Variants in TRIM65 observed in about 807,000 individuals in gnomAD.
TRIM65 encodes the protein tripartite motif containing 65, also known as E3 ubiquitin-protein ligase TRIM65.
In TRIM65, 46 loss-of-function variants were observed where a neutral mutation model predicts 36.1. The ratio of observed to expected loss-of-function variants is 1.27; its 90% CI spans 1.01 to 1.63. The LOEUF is 1.63. Among genes scored for constraint, TRIM65 ranks in the 40% most tolerant of loss-of-function variants. The probability of loss-of-function intolerance (pLI) is 0.00; values close to 1 mark genes in which losing one functional copy is unlikely to be tolerated. For synonymous variants in TRIM65, 346 were observed against 313.6 expected, an observed-to-expected ratio of 1.10 and a Z score of -1.09; for missense variants, 708 against 696.6, an observed-to-expected ratio of 1.02 and a Z score of -0.18.
chr17:75,891,194 T>A lies in TRIM65; in HGVS notation c.1139A>T (p.Gln380Leu). ...CACCTCCCAGTAGTGGTGCCCGGCC[T>A]GGAAGCTCTGGGCACATTGCACCTG... ...LWQVQCAQSFQAGHHYWEVRA... is the reference protein window; with the variant it reads ...LWQVQCAQSFLAGHHYWEVRA... Residue 380 changes from glutamine to leucine, a missense_variant, in exon 6 of 6, where the codon CAG becomes CTG. Physicochemically the swap from Gln to Leu is moderately radical, Grantham distance 113. Coordinates refer to ENST00000269383, the MANE Select transcript of TRIM65 (RefSeq NM_173547.4). 1 of 1,611,912 alleles carries A rather than the reference T, an allele frequency of 6.2e-7. No homozygotes were observed. The highest frequency in any genetic ancestry group is 8.5e-7 in the Non-Finnish European group (1 of 1,179,972).
Position 75,896,645 on chromosome 17 carries a change from T to A in TRIM65, c.293A>T (p.His98Leu). Reference sequence around the variant, plus strand: ...GCAGAAGAGCTCCAGCGGCCGCCCGTGGCGGGGGCAGCGCGCGGCAGGGTC... The same window carrying A: ...GCAGAAGAGCTCCAGCGGCCGCCCGAGGCGGGGGCAGCGCGCGGCAGGGTC... The part of the protein sequence containing the change: ...GPDPAARCPR[H>L]GRPLELFCRT... Residue 98 changes from histidine (H) to leucine (L), a missense_variant, in exon 1 of 6, where the codon CAC (histidine) becomes CTC (leucine). Coordinates refer to ENST00000269383, the MANE Select transcript of TRIM65 (RefSeq NM_173547.4). 4 of 1,241,256 alleles carry A rather than the reference T, an allele frequency of 3.2e-6. No homozygotes were observed. Among genetic ancestry groups the A allele is most frequent in the Non-Finnish European group, 4.0e-6 (4 of 996,612 alleles). 76.9% of individuals were successfully genotyped at this position (1,241,256 alleles called of 1,614,324 possible). A position where few individuals can be genotyped will look rare whatever the true frequency, so the allele number is the denominator to read the frequency against.
At position 75,890,866 on chromosome 17, in the gene TRIM65, G is replaced by C. The variant is rs1912238240; in HGVS notation, c.1467C>G (p.Phe489Leu). 2.0e-6 allele frequency: 3 copies of C among 1,527,778 alleles called. No homozygotes were observed. The highest frequency in any genetic ancestry group is 2.6e-6 in the Non-Finnish European group (3 of 1,141,056). The allele number at this position is 1,527,778 out of a possible 1,614,324, so 94.6% of individuals were successfully genotyped here. ...TCAGGGTCCTACCCTCGAGGAGCCA[G>C]AAGACGGGGGTGAGGGGCTGGTTGA... ...ALFNQPLTPVFWLLEGRTLTL... is the reference protein window; with the variant it reads ...ALFNQPLTPVLWLLEGRTLTL... The change falls in exon 6 of 6, where the codon TTC (phenylalanine) becomes TTG (leucine). Residue 489 changes from phenylalanine to leucine, a missense_variant. Phe to Leu is a conservative substitution (Grantham distance 22). Coordinates refer to ENST00000269383, the MANE Select transcript of TRIM65 (RefSeq NM_173547.4).
chr17:75,893,869 T>C (rs1324474935), intron 1 of TRIM65, among the ~76,000 whole-genome samples: 1 of 152,052 alleles, frequency 6.6e-6, no homozygotes, highest in Non-Finnish European at 1.5e-5. Flanking sequence ...TGTCGCTCCC[T>C]TCCTCCACAT....
chr17:75,884,844 T>C (rs551607059), downstream of TRIM65, among the ~76,000 whole-genome samples: 49 of 152,224 alleles, frequency 3.2e-4, no homozygotes, highest in Non-Finnish European at 6.6e-4. Flanking sequence ...AGGACCACGC[T>C]GGTCCTGAAC....
In TRIM65 at chr17:75,890,354, G is replaced by A. The variant is rs1365117045; in HGVS notation, c.*425C>T. The A allele has an allele frequency of 6.3e-6, 1 of 159,566 alleles. No individual in the cohort carries two copies. The highest frequency in any genetic ancestry group is 1.4e-5 in the Non-Finnish European group (1 of 73,344). 9.9% of individuals were successfully genotyped at this position (159,566 alleles called of 1,614,324 possible). ...AAAAATTAAAGAGAGCTGCAGGCGG[G>A]GAGGAGGGAGGAATCTGTCTCCCCC... On this transcript the variant is annotated 3_prime_UTR_variant, in exon 6 of 6. Coordinates refer to ENST00000269383, the MANE Select transcript of TRIM65 (RefSeq NM_173547.4).
chr17:75,892,622 C>G, intron 2 of TRIM65, 122 bp from the exon 3 acceptor site: 1 of 1,223,214 alleles, frequency 8.2e-7, no homozygotes, highest in Non-Finnish European at 1.1e-6. Context: ...GTCCCGGGAA[C>G]CTCCCCAGGA....
chr17:75,896,394 G>C, intron 1 of TRIM65, 130 bp downstream of exon 1: 7 of 1,207,582 alleles, frequency 5.8e-6, no homozygotes, highest in Non-Finnish European at 7.2e-6. Flanking sequence ...GTTGGGAGAA[G>C]CCCCTTACAG....
At chr17:75,885,466 G>T (rs1268071113), downstream of TRIM65, among the ~76,000 whole-genome samples, 2 of 152,098 alleles carry the variant, frequency 1.3e-5, no homozygotes, top group Admixed American at 6.5e-5. Context: ...TGGTAGAGAG[G>T]TGTGTTACCA....
In TRIM65 at chr17:75,889,414, A is replaced by G. The variant is rs908441581; in HGVS notation, c.*1365T>C. ...AGAAGTGGAACATTTCAAGTAAAAA[A>G]AATTACACCTGCCCTATGACCCAGC... On this transcript the variant is annotated 3_prime_UTR_variant, in exon 6 of 6. Coordinates refer to ENST00000269383, the MANE Select transcript of TRIM65 (RefSeq NM_173547.4). 3 of 152,244 alleles carry G rather than the reference A, an allele frequency of 2.0e-5. No homozygotes were observed. Among genetic ancestry groups the G allele is most frequent in the African/African-American group, 7.2e-5 (3 of 41,452 alleles). The allele number at this position is 152,244 out of a possible 1,614,324, so 9.4% of individuals were successfully genotyped here.
chr17:75,892,491 A>G lies in TRIM65; in HGVS notation c.520T>C (p.Cys174Arg), dbSNP rs2065286131. ...CCGGAGACCCAGGAGGCCAAGATGC[A>G]GGCCGAGTTCTGGGCGGGAACAGGA... ...KQSSQIQNSA[C>R]ILASWVSGKF... The change falls in exon 3 of 6, where the codon TGC (cysteine) becomes CGC (arginine). Residue 174 changes from cysteine (C) to arginine (R), a missense_variant. By Grantham distance (180) the Cys-to-Arg change is radical (BLOSUM62 -3). Coordinates refer to ENST00000269383, the MANE Select transcript of TRIM65 (RefSeq NM_173547.4). 6.2e-7 allele frequency: 1 copy of G among 1,613,780 alleles called. No individual in the cohort carries two copies. The highest frequency in any genetic ancestry group is 8.5e-7 in the Non-Finnish European group (1 of 1,179,838).
intron 1 of TRIM65, among the ~76,000 whole-genome samples, chr17:75,895,096 C>A (rs1181134040): frequency 6.6e-6 from 1 of 152,186 alleles, no homozygotes; most frequent in Non-Finnish European, 1.5e-5. Flanking sequence ...ACCTACGCCT[C>A]TCAGGACATA....
downstream of TRIM65, among the ~76,000 whole-genome samples, chr17:75,884,842 G>A (rs531802872): frequency 7.4e-4 from 113 of 152,034 alleles, 1 homozygote; most frequent in African/African-American, 3.1e-4. Context: ...TCAGGACCAC[G>A]CTGGTCCTGA....
At position 75,896,886 on chromosome 17, in the gene TRIM65, G is replaced by GT; in HGVS notation, c.51_52insA (p.Leu18ThrfsTer226). ...GGCAGCGTCACTGGGTCCTGGTAGA[G>GT]CCCCAGGCAGATGGCGCAGGTCAGC... is the stretch of plus-strand genomic sequence containing the variant. On this transcript the variant is annotated frameshift_variant, in exon 1 of 6. Transcript: ENST00000269383. LOFTEE classifies it high-confidence loss of function. 2.0e-6 allele frequency: 3 copies of GT among 1,524,452 alleles called. No individual in the cohort carries two copies. Among genetic ancestry groups the GT allele is most frequent in the Non-Finnish European group, 2.6e-6 (3 of 1,140,108 alleles). The allele number at this position is 1,524,452 out of a possible 1,614,324, so 94.4% of individuals were successfully genotyped here. A position where few individuals can be genotyped will look rare whatever the true frequency, so the allele number is the denominator to read the frequency against.
At chr17:75,884,939 T>C (rs1483961803), downstream of TRIM65, among the ~76,000 whole-genome samples, 2 of 82,154 alleles carry the variant, frequency 2.4e-5, no homozygotes, top group Non-Finnish European at 4.8e-5. Flanking sequence ...CTTGAGTTCC[T>C]TTTTTTTTTT....
At chr17:75,887,030 G>T (rs547242203), downstream of TRIM65, among the ~76,000 whole-genome samples, 1 of 151,480 alleles carries the variant, frequency 6.6e-6, no homozygotes, top group Non-Finnish European at 1.5e-5. Flanking sequence ...GGTGGTATGC[G>T]ACTGTAGTTC....
At chr17:75,885,147 C>T (rs1004085440), downstream of TRIM65, among the ~76,000 whole-genome samples, 2 of 151,684 alleles carry the variant, frequency 1.3e-5, no homozygotes, top group East Asian at 3.9e-4. Flanking sequence ...AGGTTGGTCT[C>T]GAACTCCTGA....
Position 75,891,837 on chromosome 17 carries a change from G to A in TRIM65, c.961C>T (p.Pro321Ser). ...PLAPVPSTVC[P>S]LRRKLWQNYR... is the part of the protein sequence containing the mutation. ...CTCTGCCAGAGTTTCCTCCTCAGTG[G>A]ACAAACTGTGCTTGGGACCGGTGCC... is the stretch of plus-strand genomic sequence containing the variant. The change falls in exon 5 of 6, where the codon CCA (proline) becomes TCA (serine). Residue 321 changes from proline (P) to serine (S), a missense_variant. Physicochemically the swap from Pro to Ser is moderately conservative, Grantham distance 74 (BLOSUM62 -1). Transcript: ENST00000269383. The A allele has an allele frequency of 6.2e-7, 1 of 1,612,688 alleles. No individual in the cohort carries two copies. Among genetic ancestry groups the A allele is most frequent in the Non-Finnish European group, 8.5e-7 (1 of 1,179,278 alleles).
In TRIM65 at chr17:75,896,515, A is replaced by G; in HGVS notation, c.414+9T>C. 7.6e-7 allele frequency: 1 copy of G among 1,318,714 alleles called. No homozygotes were observed. Among genetic ancestry groups the G allele is most frequent in the Non-Finnish European group, 9.6e-7 (1 of 1,036,516 alleles). The allele number at this position is 1,318,714 out of a possible 1,614,324, so 81.7% of individuals were successfully genotyped here. A position where few individuals can be genotyped will look rare whatever the true frequency, so the allele number is the denominator to read the frequency against. ...TCCGGACCCCTCCCGCTCCCGGCGG[A>G]TGCGTCACCTCGCGCTTGAGGCGCT... On this transcript the variant is annotated intron_variant, in intron 1 of 5. Transcript: ENST00000269383.
chr17:75,887,891 C>G (rs2065220784), downstream of TRIM65, among the ~76,000 whole-genome samples: 1 of 152,086 alleles, frequency 6.6e-6, no homozygotes, highest in Admixed American at 6.6e-5. Context: ...CGTGGTGGCT[C>G]ACGCCTGTAA....
Sources: allele counts gnomAD v4.1 joint callset (sites outside exome capture counted in the v4.1 genomes callset), GRCh38; gene constraint gnomAD v4.1.1; transcripts MANE v1.5; gene names NCBI Gene and HGNC (gene_info 2026-07-23, HGNC 2026-07-21).